Variants in CLDN16 observed in about 807,000 individuals in gnomAD.
The protein encoded by CLDN16 is claudin-16.
Under a neutral mutation model 24.6 loss-of-function variants are expected in CLDN16, and 13 were observed. The ratio of observed to expected loss-of-function variants is 0.53; its 90% CI spans 0.34 to 0.84. CLDN16 has a LOEUF of 0.84. Among genes scored for constraint, CLDN16 ranks in the 40% least tolerant of loss-of-function variants. CLDN16 has a pLI of 0.01. For synonymous variants in CLDN16, 116 were observed against 106.7 expected (o/e 1.09, Z -0.54); for missense variants, 298 against 292.7 (o/e 1.02, Z -0.13).
intron 1 of CLDN16, among the ~76,000 whole-genome samples, chr3:190,329,174 G>T (rs111597858): frequency 0.014 from 2,186 of 152,248 alleles, 55 homozygotes; most frequent in African/African-American, 0.048. Flanking sequence ...TGAACAAGCT[G>T]AATAGTTTAG....
At chr3:190,298,445 TG>T in the CLDN16 span, among the ~76,000 whole-genome samples, 2 of 134,672 alleles carry the variant, frequency 1.5e-5, no homozygotes, top group Non-Finnish European at 1.5e-5. Flanking sequence ...TGTGTCCTTC[TG>T]GGAGTTGCTT....
At chr3:190,360,379 A>G (rs1717861757) in intron 1 of CLDN16, among the ~76,000 whole-genome samples, 1 of 151,920 alleles carries the variant, frequency 6.6e-6, no homozygotes. Flanking sequence ...TTTCATGTCA[A>G]GGTTTGGGTT....
Position 190,388,195 on chromosome 3 carries a change from G to A in CLDN16, c.-135G>A. On this transcript the variant is annotated 5_prime_UTR_variant, in exon 1 of 5. Transcript: ENST00000264734. The stretch of plus-strand genomic sequence containing the variant: ...CTGCAACTCAAGACACCTGCAGCAG[G>A]GCGTGAGAAAAAGTAAAAGACCAGT... The A allele has an allele frequency of 6.2e-7, 1 of 1,614,012 alleles. No individual in the cohort carries two copies. The highest frequency in any genetic ancestry group is 8.5e-7 in the Non-Finnish European group (1 of 1,179,982).
At chr3:190,340,678 G>A (rs1371296281) in intron 1 of CLDN16, among the ~76,000 whole-genome samples, 1 of 152,074 alleles carries the variant, frequency 6.6e-6, no homozygotes, top group African/African-American at 2.4e-5. Context: ...AACCAATCAT[G>A]CCTTCCCAAC....
upstream of CLDN16, chr3:190,322,358 TC>T: frequency 2.7e-6 from 2 of 745,102 alleles, no homozygotes; most frequent in East Asian, 5.4e-5. Context: ...CTGGAGAAGC[TC>T]TGGGTCGGGG....
intron 1 of CLDN16, among the ~76,000 whole-genome samples, chr3:190,368,579 A>G (rs1002011344): frequency 6.6e-6 from 1 of 151,986 alleles, no homozygotes; most frequent in Non-Finnish European, 1.5e-5. Flanking sequence ...TTCTTGAAAC[A>G]GTGATAGGAA....
At chr3:190,337,438 T>C (rs967515728) in intron 1 of CLDN16, among the ~76,000 whole-genome samples, 2 of 152,260 alleles carry the variant, frequency 1.3e-5, no homozygotes, top group East Asian at 1.9e-4. Context: ...AATGGCCCAA[T>C]AGATAAGAAG....
chr3:190,294,086 T>G, the CLDN16 span, among the ~76,000 whole-genome samples: 11 of 152,214 alleles, frequency 7.2e-5, no homozygotes, highest in Admixed American at 7.2e-4. Flanking sequence ...GGCTGTCTAT[T>G]GTCCTGAGAA....
chr3:190,381,631 GTC>G (rs1324976199), intron 3 of CLDN16, among the ~76,000 whole-genome samples: 1 of 151,954 alleles, frequency 6.6e-6, no homozygotes, highest in African/African-American at 2.4e-5. Flanking sequence ...TAGAAAGTTA[GTC>G]ATCTAACTTT....
At chr3:190,382,447 T>G (rs1242940358) in intron 3 of CLDN16, among the ~76,000 whole-genome samples, 1 of 152,102 alleles carries the variant, frequency 6.6e-6, no homozygotes, top group Non-Finnish European at 1.5e-5. Flanking sequence ...AGCATACTAT[T>G]TTCAGGGCCT....
intron 2 of CLDN16, among the ~76,000 whole-genome samples, chr3:190,404,073 G>T (rs548918321): frequency 2.0e-5 from 3 of 152,140 alleles, no homozygotes. Context: ...ATTAACATAT[G>T]GGGGTAGAGA....
At chr3:190,334,091 T>G (rs79440443) in intron 1 of CLDN16, among the ~76,000 whole-genome samples, 4,769 of 152,266 alleles carry the variant, frequency 0.031, 115 homozygotes, top group East Asian at 0.081. Context: ...ATTCATTTAT[T>G]GCTACTCTGC....
At chr3:190,407,296 T>C (rs1191675643) in intron 3 of CLDN16, among the ~76,000 whole-genome samples, 1 of 152,136 alleles carries the variant, frequency 6.6e-6, no homozygotes, top group Non-Finnish European at 1.5e-5. Context: ...AGCAGAACTT[T>C]GAAATGAAGG....
At chr3:190,367,214 G>T (rs6776681) in intron 1 of CLDN16, among the ~76,000 whole-genome samples, 3 of 151,834 alleles carry the variant, frequency 2.0e-5, no homozygotes, top group African/African-American at 7.2e-5. Context: ...TGATAACTCC[G>T]AAGGTTTGTA....
the CLDN16 span, chr3:190,308,188 C>G: frequency 6.7e-7 from 1 of 1,491,888 alleles, no homozygotes; most frequent in Non-Finnish European, 9.3e-7. Context: ...ATTACAATAC[C>G]CAAAATTCTA....
At chr3:190,342,468 A>G (rs1250273756) in intron 1 of CLDN16, among the ~76,000 whole-genome samples, 1 of 151,252 alleles carries the variant, frequency 6.6e-6, no homozygotes, top group Non-Finnish European at 1.5e-5. Context: ...CTGATTTACA[A>G]TAGCATAAAA....
At chr3:190,383,191 T>G (rs2108654689), upstream of CLDN16, among the ~76,000 whole-genome samples, 1 of 152,110 alleles carries the variant, frequency 6.6e-6, no homozygotes, top group East Asian at 1.9e-4. Flanking sequence ...ACAAATAAAC[T>G]TAACCCCAAG....
intron 1 of CLDN16, among the ~76,000 whole-genome samples, chr3:190,390,175 T>C (rs1000238218): frequency 3.3e-5 from 5 of 152,212 alleles, no homozygotes; most frequent in African/African-American, 9.6e-5. Flanking sequence ...TAGTTAATAT[T>C]TCTTAGCTTC....
chr3:190,374,367 A>G (rs1034535755), intron 2 of CLDN16, among the ~76,000 whole-genome samples: 3 of 150,506 alleles, frequency 2.0e-5, no homozygotes, highest in Non-Finnish European at 4.4e-5. Context: ...CCAAATGTGT[A>G]AGTTATCAAC....
Sources: gnomAD v4.1 joint callset for allele counts (sites outside exome capture counted in the v4.1 genomes callset) on GRCh38, gnomAD v4.1.1 for gene constraint, MANE v1.5 for transcripts, NCBI Gene and HGNC (gene_info 2026-07-23, HGNC 2026-07-21) for gene names.